The following JRK variants were observed in gnomAD, a reference collection of about 807,000 sequenced individuals.
JRK encodes jerky protein homolog.
For missense variants in JRK, 720 were observed against 509.2 expected (o/e 1.41, Z -3.98); for synonymous variants, 303 against 218.1 (o/e 1.39, Z -3.43).
At chr8:142,644,606 T>C in the JRK span, among the ~76,000 whole-genome samples, 2 of 152,198 alleles carry the variant, frequency 1.3e-5, no homozygotes, top group Non-Finnish European at 2.9e-5. Context: ...TTTGGAAAGT[T>C]TGTCAAATGT....
intron 1 of JRK, among the ~76,000 whole-genome samples, chr8:142,667,387 A>G (rs1260247298): frequency 6.6e-6 from 1 of 150,856 alleles, no homozygotes; most frequent in East Asian, 1.9e-4. Flanking sequence ...TGGCTCCACA[A>G]CCACGGCAGG....
intron 1 of JRK, among the ~76,000 whole-genome samples, chr8:142,666,926 TC>T (rs1847145456): frequency 6.6e-6 from 1 of 151,766 alleles, no homozygotes; most frequent in African/African-American, 2.4e-5. Context: ...CTGTAACTGC[TC>T]GCTGGGCTAC....
In JRK at chr8:142,659,589, C is replaced by T; in HGVS notation, c.*4763G>A. ...GGAGGCCATCGTGCTGCCTAAGAGACCAGGACCCAGCAGGGGCCATACCCA... is the reference window on the plus strand; with the variant it reads ...GGAGGCCATCGTGCTGCCTAAGAGATCAGGACCCAGCAGGGGCCATACCCA... On this transcript the variant is annotated 3_prime_UTR_variant, in exon 2 of 2. Coordinates refer to ENST00000612905, the MANE Select transcript of JRK (RefSeq NM_003724.4). The T allele has an allele frequency of 1.0e-6, 1 of 985,564 alleles. No individual in the cohort carries two copies. Among genetic ancestry groups the T allele is most frequent in the Non-Finnish European group, 1.2e-6 (1 of 830,032 alleles). The allele number at this position is 985,564 out of a possible 1,614,324, so 61.1% of individuals were successfully genotyped here.
the JRK span, among the ~76,000 whole-genome samples, chr8:142,652,401 G>GT: frequency 6.6e-6 from 1 of 152,212 alleles, no homozygotes; most frequent in Non-Finnish European, 1.5e-5. Flanking sequence ...ATCAACATAT[G>GT]TAAGATAAAC....
In JRK at chr8:142,663,835, T is replaced by G. The variant is rs1270963324; in HGVS notation, c.*517A>C. 3.0e-6 allele frequency: 3 copies of G among 986,940 alleles called. No homozygotes were observed. Among genetic ancestry groups the G allele is most frequent in the Non-Finnish European group, 3.6e-6 (3 of 831,120 alleles). The allele number at this position is 986,940 out of a possible 1,614,324, so 61.1% of individuals were successfully genotyped here. ...GAACTGAGTCCCAGCTCTCGGGCCA[T>G]CGGACCTCAGGCAACCGTGCTCGGG... On this transcript the variant is annotated 3_prime_UTR_variant, in exon 2 of 2. Transcript: ENST00000612905.
At chr8:142,651,555 T>G in the JRK span, among the ~76,000 whole-genome samples, 15 of 142,136 alleles carry the variant, frequency 1.1e-4, no homozygotes, top group Non-Finnish European at 1.9e-4. Flanking sequence ...TTTTTTTTTT[T>G]TTTTGGTGGG....
In JRK at chr8:142,660,466, C is replaced by G; in HGVS notation, c.*3886G>C. On this transcript the variant is annotated 3_prime_UTR_variant, in exon 2 of 2. Transcript: ENST00000612905. ...TGTCACCCAGGCTGGAGTGCAGAGG[C>G]CATAACTCACTGCAGCCTCAAACTC... 3 of 950,566 alleles carry G rather than the reference C, an allele frequency of 3.2e-6. No homozygotes were observed. Among genetic ancestry groups the G allele is most frequent in the Non-Finnish European group, 3.8e-6 (3 of 797,948 alleles). The allele number at this position is 950,566 out of a possible 1,614,324, so 58.9% of individuals were successfully genotyped here. A position where few individuals can be genotyped will look rare whatever the true frequency, so the allele number is the denominator to read the frequency against.
intron 1 of JRK, among the ~76,000 whole-genome samples, 153 bp from the exon 2 acceptor site, chr8:142,666,673 G>A (rs782422776): frequency 5.3e-5 from 8 of 152,204 alleles, no homozygotes; most frequent in Non-Finnish European, 1.2e-4. Context: ...TGGGGAGAGG[G>A]TGGCCCCGGG....
the JRK span, among the ~76,000 whole-genome samples, chr8:142,651,178 A>T: frequency 1.3e-5 from 2 of 152,208 alleles, no homozygotes; most frequent in African/African-American, 2.4e-5. Flanking sequence ...AAAAAAACAA[A>T]AACAAAAACA....
the JRK span, among the ~76,000 whole-genome samples, chr8:142,648,224 C>T: frequency 1.3e-5 from 2 of 152,204 alleles, no homozygotes; most frequent in African/African-American, 4.8e-5. Context: ...AAGAAAATGC[C>T]ATTTTCTGAG....
chr8:142,664,547 C>G lies in JRK; in HGVS notation c.1512G>C (p.Gln504His). ...CCACTTCCTGCGCACTGAAGCATGGCTGCCGCTCCGCAAAGCGCAGGACTG... is the reference window on the plus strand; with the variant it reads ...CCACTTCCTGCGCACTGAAGCATGGGTGCCGCTCCGCAAAGCGCAGGACTG... ...FDAVLRFAER[Q>H]PCFSAQEVGQ... is the part of the protein sequence containing the mutation. Residue 504 changes from glutamine (Q) to histidine (H), a missense_variant, in exon 2 of 2, where the codon CAG becomes CAC. Transcript: ENST00000612905. 1 of 1,608,100 alleles carries G rather than the reference C, an allele frequency of 6.2e-7. No homozygotes were observed. Among genetic ancestry groups the G allele is most frequent in the Non-Finnish European group, 8.5e-7 (1 of 1,178,190 alleles).
chr8:142,645,332 A>G, the JRK span, among the ~76,000 whole-genome samples: 1 of 152,160 alleles, frequency 6.6e-6, no homozygotes, highest in Non-Finnish European at 1.5e-5. Flanking sequence ...AGCAAACCAA[A>G]ACAATAATAG....
chr8:142,661,678 C>T lies in JRK; in HGVS notation c.*2674G>A. 1.0e-6 allele frequency: 1 copy of T among 985,488 alleles called. No individual in the cohort carries two copies. The highest frequency in any genetic ancestry group is 1.2e-6 in the Non-Finnish European group (1 of 830,016). The allele number at this position is 985,488 out of a possible 1,614,324, so 61.0% of individuals were successfully genotyped here. ...CTTTCTCGCTCTGCTCTGGCAAGCT[C>T]CAGGGCTTCCCAGGGGCCTCAGCAG... On this transcript the variant is annotated 3_prime_UTR_variant, in exon 2 of 2. Transcript: ENST00000612905.
Position 142,662,472 on chromosome 8 carries a change from T to C in JRK, c.*1880A>G. Reference sequence around the variant, plus strand: ...CCCAGAAATGGCACAAAGTACATGATGTGCAGAAGTTCCCCAGACAATGAA... The same window carrying C: ...CCCAGAAATGGCACAAAGTACATGACGTGCAGAAGTTCCCCAGACAATGAA... On this transcript the variant is annotated 3_prime_UTR_variant, in exon 2 of 2. Coordinates refer to ENST00000612905, the MANE Select transcript of JRK (RefSeq NM_003724.4). The C allele has an allele frequency of 2.0e-6, 2 of 982,796 alleles. No individual in the cohort carries two copies. Among genetic ancestry groups the C allele is most frequent in the Non-Finnish European group, 2.4e-6 (2 of 828,362 alleles). The allele number at this position is 982,796 out of a possible 1,614,324, so 60.9% of individuals were successfully genotyped here. A position where few individuals can be genotyped will look rare whatever the true frequency, so the allele number is the denominator to read the frequency against.
In JRK at chr8:142,658,812, G is replaced by A; in HGVS notation, c.*5540C>T. Reference sequence around the variant, plus strand: ...CCTCAAGGGCACTGGTGGGGACAGAGGGGTCTTACCCAGCACTGCCATGTG... The same window carrying A: ...CCTCAAGGGCACTGGTGGGGACAGAAGGGTCTTACCCAGCACTGCCATGTG... On this transcript the variant is annotated 3_prime_UTR_variant, in exon 2 of 2. Coordinates refer to ENST00000612905, the MANE Select transcript of JRK (RefSeq NM_003724.4). 1 of 1,592,434 alleles carries A rather than the reference G, an allele frequency of 6.3e-7. No homozygotes were observed. The highest frequency in any genetic ancestry group is 8.6e-7 in the Non-Finnish European group (1 of 1,169,318).
rs587709500 is a variant in JRK, at chr8:142,663,457, G to A, written c.*895C>T. On this transcript the variant is annotated 3_prime_UTR_variant, in exon 2 of 2. Coordinates refer to ENST00000612905, the MANE Select transcript of JRK (RefSeq NM_003724.4). The stretch of plus-strand genomic sequence containing the variant: ...TGTTTTACTGTTTTCAGTGACTTAC[G>A]TGCAAACCTAAGACTAATCTCTGAA... 17 of 985,424 alleles carry A rather than the reference G, an allele frequency of 1.7e-5. No homozygotes were observed. Among genetic ancestry groups the A allele is most frequent in the South Asian group, 9.4e-5 (2 of 21,286 alleles). The allele number at this position is 985,424 out of a possible 1,614,324, so 61.0% of individuals were successfully genotyped here. A position where few individuals can be genotyped will look rare whatever the true frequency, so the allele number is the denominator to read the frequency against.
Position 142,665,505 on chromosome 8 carries a change from T to C in JRK, c.554A>G (p.Asn185Ser), listed in dbSNP as rs1453325573. 5 of 718,230 alleles carry C rather than the reference T, an allele frequency of 7.0e-6. No individual in the cohort carries two copies. The highest frequency in any genetic ancestry group is 3.5e-5 in the African/African-American group (2 of 57,396). 44.5% of individuals were successfully genotyped at this position (718,230 alleles called of 1,614,324 possible). A position where few individuals can be genotyped will look rare whatever the true frequency, so the allele number is the denominator to read the frequency against. The change falls in exon 2 of 2, where the codon AAC becomes AGC. Residue 185 changes from asparagine to serine, a missense_variant. Coordinates refer to ENST00000612905, the MANE Select transcript of JRK (RefSeq NM_003724.4). ...EHGLSAEQVY[N>S]ADETGLFWRC... is the part of the protein sequence containing the mutation. ...CCAGAAAAGGCCGGTCTCATCAGCG[T>C]TGTAAACCTGCTCGGCGGACAGCCC... is the stretch of plus-strand genomic sequence containing the variant.
the JRK span, among the ~76,000 whole-genome samples, chr8:142,648,008 C>T: frequency 1.3e-5 from 2 of 152,176 alleles, no homozygotes; most frequent in African/African-American, 4.8e-5. Context: ...TATATTTTAG[C>T]AAAGAGACTG....
chr8:142,665,811 G>A lies in JRK; in HGVS notation c.248C>T (p.Thr83Met), dbSNP rs782347045. Residue 83 changes from threonine (T) to methionine (M), a missense_variant, in exon 2 of 2, where the codon ACG becomes ATG. Transcript: ENST00000612905. ...GCGGTCCAGGTGCTCCAGCTTGGGC[G>A]TGTGCAGCGTGCGCCGCTGCTCCAG... is the stretch of plus-strand genomic sequence containing the variant. ...KALEQRRTLH[T>M]PKLEHLDRVL... 22 of 778,796 alleles carry A rather than the reference G, an allele frequency of 2.8e-5. No homozygotes were observed. Among genetic ancestry groups the A allele is most frequent in the East Asian group, 1.2e-4 (5 of 41,248 alleles). 48.2% of individuals were successfully genotyped at this position (778,796 alleles called of 1,614,324 possible). A position where few individuals can be genotyped will look rare whatever the true frequency, so the allele number is the denominator to read the frequency against.
Sources: gnomAD v4.1 joint callset for allele counts (sites outside exome capture counted in the v4.1 genomes callset) on GRCh38, gnomAD v4.1.1 for gene constraint, MANE v1.5 for transcripts, NCBI Gene and HGNC (gene_info 2026-07-23, HGNC 2026-07-21) for gene names.